The following STK3 variants were observed in gnomAD, a reference collection of about 807,000 sequenced individuals.
The protein encoded by STK3 is serine/threonine-protein kinase 3.
Under a neutral mutation model 58.0 loss-of-function variants are expected in STK3, and 41 were observed. The observed-to-expected ratio is 0.71, with a 90% CI of 0.55 to 0.92. The LOEUF is 0.92. Ranked by LOEUF, STK3 falls within the 40% of genes least tolerant of loss-of-function variation. STK3 has a pLI of 0.00. For synonymous variants in STK3, 170 were observed against 191.0 expected, an observed-to-expected ratio of 0.89 and a Z score of 0.91; for missense variants, 479 against 602.7, an observed-to-expected ratio of 0.79 and a Z score of 2.15.
intron 3 of STK3, among the ~76,000 whole-genome samples, chr8:98,877,628 C>T (rs1390583272): frequency 6.6e-6 from 1 of 152,098 alleles, no homozygotes; most frequent in Non-Finnish European, 1.5e-5. Flanking sequence ...GGATTATAGG[C>T]ATATGCCACT....
intron 6 of STK3, among the ~76,000 whole-genome samples, chr8:98,699,606 T>C (rs1312691426): frequency 2.6e-5 from 4 of 152,244 alleles, no homozygotes; most frequent in Admixed American, 1.3e-4. Context: ...TGCAGGTGTG[T>C]TGGAGTTTGC....
intron 3 of STK3, among the ~76,000 whole-genome samples, chr8:98,860,573 A>G (rs1255047897): frequency 1.3e-5 from 2 of 152,250 alleles, no homozygotes; most frequent in Non-Finnish European, 2.9e-5. Context: ...AGAAAAAAAG[A>G]ACATGTCAGT....
At chr8:98,352,439 T>TACTCCAGAATCCAAAGC in the STK3 span, among the ~76,000 whole-genome samples, 2 of 152,148 alleles carry the variant, frequency 1.3e-5, no homozygotes, top group African/African-American at 4.8e-5. Flanking sequence ...AAATCCAAAA[T>TACTCCAGAATCCAAAGC]ACTCCAGAAT....
At chr8:98,921,492 G>C (rs1015382630) in intron 1 of STK3, 1 of 152,798 alleles carries the variant, frequency 6.5e-6, no homozygotes, top group Non-Finnish European at 1.5e-5. Context: ...CAGATCAGCT[G>C]AATTAATCCT....
chr8:98,401,995 G>A (rs1388903825), intron 3 of STK3, among the ~76,000 whole-genome samples: 3 of 151,996 alleles, frequency 2.0e-5, no homozygotes, highest in Middle Eastern at 3.2e-3. Flanking sequence ...CCCACTACAC[G>A]GTGATAACCA....
At chr8:98,935,467 T>C (rs1332150884) in intron 1 of STK3, among the ~76,000 whole-genome samples, 1 of 152,162 alleles carries the variant, frequency 6.6e-6, no homozygotes, top group Non-Finnish European at 1.5e-5. Flanking sequence ...ATCAATAGTA[T>C]CCCCAAATTA....
At chr8:98,596,263 ATTTG>A in intron 6 of STK3, 94 bp from the exon 7 acceptor site, 1 of 1,407,722 alleles carries the variant, frequency 7.1e-7, no homozygotes, top group African/African-American at 1.4e-5. Flanking sequence ...CAGACTCTAA[ATTTG>A]AAAAACAAAT....
downstream of STK3, among the ~76,000 whole-genome samples, chr8:98,368,852 T>G (rs1183691319): frequency 6.6e-6 from 1 of 152,166 alleles, no homozygotes; most frequent in Non-Finnish European, 1.5e-5. Context: ...ATTGAGCTCT[T>G]CATCTGTGAA....
intron 6 of STK3, among the ~76,000 whole-genome samples, chr8:98,684,301 G>A (rs1563886489): frequency 6.6e-6 from 1 of 152,124 alleles, no homozygotes; most frequent in Non-Finnish European, 1.5e-5. Context: ...GCAATAAACT[G>A]TCAATAAGCA....
chr8:98,651,460 C>T (rs1281370968), intron 6 of STK3: 2 of 152,324 alleles, frequency 1.3e-5, no homozygotes, highest in Admixed American at 6.5e-5. Flanking sequence ...GAATGCAGCT[C>T]CTCACCAGCA....
the STK3 span, among the ~76,000 whole-genome samples, chr8:98,356,623 C>A: frequency 6.6e-6 from 1 of 152,116 alleles, no homozygotes; most frequent in East Asian, 1.9e-4. Context: ...TTATGAAATA[C>A]AAAAGTCAAA....
intron 3 of STK3, among the ~76,000 whole-genome samples, chr8:98,834,756 T>C (rs1482072762): frequency 6.6e-6 from 1 of 152,192 alleles, no homozygotes; most frequent in Non-Finnish European, 1.5e-5. Context: ...TGCCATCACC[T>C]TCAGGGGTAA....
chr8:98,807,030 T>C lies in STK3; in HGVS notation c.26+18485A>G, dbSNP rs565772724. Among the ~76,000 whole-genome samples the C allele has an allele frequency of 3.6e-3, 543 of 151,616 alleles. 3 individuals are homozygous for C. Among genetic ancestry groups the C allele is most frequent in the Non-Finnish European group, 5.4e-3 (367 of 67,898 alleles). ...TTAGCCAGGCGTGGTGGCGGGCACC[T>C]GTAGTCCCAGCCACTTGGGAGGCTG... On this transcript the variant is annotated intron_variant, in intron 1 of 10. Coordinates refer to ENST00000419617, the MANE Select transcript of STK3 (RefSeq NM_006281.4).
intron 3 of STK3, among the ~76,000 whole-genome samples, chr8:98,875,079 A>T (rs376007616): frequency 5.2e-4 from 79 of 152,354 alleles, no homozygotes; most frequent in African/African-American, 1.8e-3. Flanking sequence ...AGAAGGCTTT[A>T]AACCCATATA....
At chr8:98,389,681 C>G (rs780893676), upstream of STK3, among the ~76,000 whole-genome samples, 2 of 151,098 alleles carry the variant, frequency 1.3e-5, no homozygotes, top group Non-Finnish European at 2.9e-5. Context: ...AGCTTCCTGT[C>G]ACATATCTCC....
chr8:98,900,968 TTTATA>T (rs1163763381), intron 1 of STK3, among the ~76,000 whole-genome samples: 2 of 152,210 alleles, frequency 1.3e-5, no homozygotes, highest in African/African-American at 2.4e-5. Flanking sequence ...GGCCTATAGT[TTTATA>T]TTATATTTTT....
At chr8:98,766,772 G>A (rs955150428) in intron 3 of STK3, among the ~76,000 whole-genome samples, 2 of 152,138 alleles carry the variant, frequency 1.3e-5, no homozygotes, top group African/African-American at 4.8e-5. Context: ...AAAGACACTT[G>A]ACAAAGCCAT....
intron 3 of STK3, chr8:98,427,921 G>A (rs1426328822): frequency 2.9e-6 from 4 of 1,397,082 alleles, no homozygotes; most frequent in East Asian, 2.5e-5. Context: ...CGCCGACGCT[G>A]TTCCCTCCGC....
At chr8:98,816,901 C>T (rs1452548773) in intron 1 of STK3, among the ~76,000 whole-genome samples, 2 of 152,120 alleles carry the variant, frequency 1.3e-5, no homozygotes, top group South Asian at 2.1e-4. Flanking sequence ...TGGGTTATTA[C>T]TACACAAGTC....
Sources: allele counts gnomAD v4.1 joint callset (sites outside exome capture counted in the v4.1 genomes callset), GRCh38; gene constraint gnomAD v4.1.1; transcripts MANE v1.5; gene names NCBI Gene and HGNC (gene_info 2026-07-23, HGNC 2026-07-21).